Variants in PPP1R14C observed in about 807,000 individuals in gnomAD.
PPP1R14C encodes protein phosphatase 1 regulatory inhibitor subunit 14C.
PPP1R14C carries 16 observed loss-of-function variants against 20.4 expected under a neutral mutation model. The observed-to-expected ratio is 0.78, with a 90% CI of 0.53 to 1.19. PPP1R14C has a LOEUF of 1.19. PPP1R14C is among the 50% of genes most tolerant of loss of function. The pLI is 0.00. For missense variants in PPP1R14C, 211 were observed against 220.1 expected (o/e 0.96, Z 0.26); for synonymous variants, 91 against 91.0 (o/e 1.00, Z 0.00).
chr6:150,228,368 T>TTATTACAGGGAAAGGC (rs1021993650), intron 3 of PPP1R14C, among the ~76,000 whole-genome samples: 11 of 152,292 alleles, frequency 7.2e-5, no homozygotes, highest in Admixed American at 7.2e-4. Flanking sequence ...TGGTTCTGGT[T>TTATTACAGGGAAAGGC]TATTACAGGG....
intron 3 of PPP1R14C, among the ~76,000 whole-genome samples, chr6:150,235,305 G>T (rs1778347449): frequency 1.3e-5 from 2 of 152,158 alleles, no homozygotes; most frequent in Admixed American, 1.3e-4. Context: ...ACCTGGGCTG[G>T]TCTCGAATTC....
At chr6:150,214,946 G>T in intron 2 of PPP1R14C, 119 bp downstream of exon 2, 1 of 683,336 alleles carries the variant, frequency 1.5e-6, no homozygotes, top group Non-Finnish European at 2.5e-6. Flanking sequence ...CAGGACCTGG[G>T]CCATTTGCAG....
At chr6:150,182,284 A>C (rs1320648570) in intron 1 of PPP1R14C, among the ~76,000 whole-genome samples, 1 of 152,170 alleles carries the variant, frequency 6.6e-6, no homozygotes, top group East Asian at 1.9e-4. Context: ...TCTCTGTTTT[A>C]ATTGCCTCAG....
chr6:150,241,088 C>A (rs1208673701), intron 3 of PPP1R14C, among the ~76,000 whole-genome samples: 1 of 152,076 alleles, frequency 6.6e-6, no homozygotes, highest in Non-Finnish European at 1.5e-5. Flanking sequence ...AAAGACCAAG[C>A]CACAGTTAGA....
chr6:150,157,191 G>A (rs577764935), intron 1 of PPP1R14C, among the ~76,000 whole-genome samples: 1 of 152,292 alleles, frequency 6.6e-6, no homozygotes, highest in South Asian at 2.1e-4. Flanking sequence ...TACAGATAAT[G>A]TATAAAATAT....
intron 1 of PPP1R14C, among the ~76,000 whole-genome samples, chr6:150,152,276 G>A (rs974622534): frequency 2.0e-5 from 3 of 152,198 alleles, no homozygotes; most frequent in South Asian, 4.1e-4. Flanking sequence ...GCCACATGGC[G>A]GGCAGGTGGC....
chr6:150,243,853 A>G (rs1324347546), intron 3 of PPP1R14C, among the ~76,000 whole-genome samples: 1 of 152,368 alleles, frequency 6.6e-6, no homozygotes, highest in Non-Finnish European at 1.5e-5. Context: ...GGAATGAACT[A>G]TTAATCCATG....
intron 3 of PPP1R14C, among the ~76,000 whole-genome samples, chr6:150,243,011 C>T (rs1021024677): frequency 2.0e-5 from 3 of 152,008 alleles, no homozygotes; most frequent in Non-Finnish European, 4.4e-5. Flanking sequence ...TAAACCATTG[C>T]TGAGATAAGT....
chr6:150,178,310 A>G (rs1777585378), intron 1 of PPP1R14C, among the ~76,000 whole-genome samples: 1 of 152,180 alleles, frequency 6.6e-6, no homozygotes, highest in African/African-American at 2.4e-5. Flanking sequence ...GGCTGGAGGA[A>G]ACCCTGAATG....
rs1224097743 is a variant in PPP1R14C at position 150,236,792 on chromosome 6, G to GGTCCT, written c.424-11953_424-11952insTCCTG. On this transcript the variant is annotated intron_variant, in intron 3 of 3. Transcript: ENST00000361131. ...GAGGTCGCACAGTCTGGGTGGCTCT[G>GGTCCT]GAGTGGCTGATTTTGGTCCTGGGCT... 2.0e-5 allele frequency among the ~76,000 whole-genome samples: 3 copies of GGTCCT among 152,166 alleles called. No individual in the cohort carries two copies. In the East Asian group the frequency reaches 5.8e-4, roughly 29 times the overall value.
At chr6:150,146,545 C>A (rs1303588477) in intron 1 of PPP1R14C, among the ~76,000 whole-genome samples, 1 of 152,176 alleles carries the variant, frequency 6.6e-6, no homozygotes, top group Non-Finnish European at 1.5e-5. Flanking sequence ...CTGCCCTGGC[C>A]TGGGTTTCTT....
intron 1 of PPP1R14C, among the ~76,000 whole-genome samples, chr6:150,174,448 C>G (rs1282903300): frequency 6.6e-6 from 1 of 151,720 alleles, no homozygotes; most frequent in Non-Finnish European, 1.5e-5. Context: ...GATCTCCTGA[C>G]CTTGTGATCC....
At chr6:150,196,225 C>A in intron 1 of PPP1R14C, 1 of 630,878 alleles carries the variant, frequency 1.6e-6, no homozygotes, top group Non-Finnish European at 2.0e-6. Flanking sequence ...TTGAGGGCAA[C>A]TGGGCAACAA....
In PPP1R14C at chr6:150,143,349, G is replaced by C; in HGVS notation, c.157G>C (p.Ala53Pro). The change falls in exon 1 of 4, where the codon GCG becomes CCG. Residue 53 changes from alanine to proline, a missense_variant. Transcript: ENST00000361131. This position sits in a 1 kb window ranked among gnomAD's most constrained non-coding sequence, Gnocchi z 5.6. Reference sequence around the variant, plus strand: ...GGAGGACTCGGCGCCCGTGGCCACGGCGGCCGCTGCAGGGCAGGTTCAGCA... The same window carrying C: ...GGAGGACTCGGCGCCCGTGGCCACGCCGGCCGCTGCAGGGCAGGTTCAGCA... ...SREDSAPVAT[A>P]AAAGQVQQQQ... is the part of the protein sequence containing the mutation. 1 of 1,603,672 alleles carries C rather than the reference G, an allele frequency of 6.2e-7. No individual in the cohort carries two copies. Among genetic ancestry groups the C allele is most frequent in the South Asian group, 1.1e-5 (1 of 89,824 alleles).
intron 1 of PPP1R14C, among the ~76,000 whole-genome samples, chr6:150,191,935 A>T (rs1381264970): frequency 1.3e-5 from 2 of 152,048 alleles, no homozygotes; most frequent in African/African-American, 4.8e-5. Context: ...TAGGGAAAGA[A>T]GAGGGTTCCA....
At chr6:150,170,193 T>G (rs992039196) in intron 1 of PPP1R14C, among the ~76,000 whole-genome samples, 8 of 152,110 alleles carry the variant, frequency 5.3e-5, no homozygotes, top group African/African-American at 1.9e-4. Flanking sequence ...GGAAGTGGAA[T>G]GGGAAATATT....
chr6:150,241,923 G>A (rs748894432), intron 3 of PPP1R14C, among the ~76,000 whole-genome samples: 37 of 152,076 alleles, frequency 2.4e-4, no homozygotes, highest in African/African-American at 7.7e-4. Flanking sequence ...GAATTGAATC[G>A]TAGGACACTC....
chr6:150,194,239 T>G (rs1777777751), intron 1 of PPP1R14C, among the ~76,000 whole-genome samples: 1 of 152,224 alleles, frequency 6.6e-6, no homozygotes, highest in East Asian at 1.9e-4. Flanking sequence ...ACTAATACAG[T>G]GGGCATGGTT....
At chr6:150,234,954 A>T (rs1389668182) in intron 3 of PPP1R14C, among the ~76,000 whole-genome samples, 1 of 152,164 alleles carries the variant, frequency 6.6e-6, no homozygotes, top group Non-Finnish European at 1.5e-5. Flanking sequence ...AAGCCAAGTA[A>T]AAAAGAATAC....
Sources: gnomAD v4.1 joint callset for allele counts (sites outside exome capture counted in the v4.1 genomes callset) on GRCh38, gnomAD v4.1.1 for gene constraint, Gnocchi (gnomAD v3.1) non-coding constraint, MANE v1.5 for transcripts, NCBI Gene and HGNC (gene_info 2026-07-23, HGNC 2026-07-21) for gene names.